XKR6: variants seen among roughly 807,000 people sequenced by gnomAD.
XKR6 encodes the protein XK-related protein 6.
In XKR6, 22 loss-of-function variants were observed where a neutral mutation model predicts 56.7. The observed-to-expected ratio is 0.39, with a 90% confidence interval of 0.28 to 0.55. XKR6 has a LOEUF of 0.55. XKR6 is among the 20% of genes least tolerant of loss of function. The probability of loss-of-function intolerance (pLI) is 0.66; values close to 1 mark genes in which losing one functional copy is unlikely to be tolerated. For missense variants in XKR6, 852 were observed against 889.0 expected (o/e 0.96, Z 0.53); for synonymous variants, 524 against 387.8 (o/e 1.35, Z -4.13).
intron 1 of XKR6, among the ~76,000 whole-genome samples, chr8:11,180,021 C>T (rs959413570): frequency 3.3e-5 from 5 of 152,014 alleles, no homozygotes; most frequent in South Asian, 2.1e-4. Flanking sequence ...AACCTGTAGT[C>T]CCAGCTACTT....
At position 11,189,999 on chromosome 8, in the gene XKR6, G is replaced by A. The variant is rs527352873; in HGVS notation, c.764+10577C>T. Among the ~76,000 whole-genome samples the A allele has an allele frequency of 2.4e-4, 37 of 152,000 alleles. No individual in the cohort carries two copies. The East Asian group carries it at 3.9e-3, about 16-fold the overall frequency. On this transcript the variant is annotated intron_variant, in intron 1 of 2. Transcript: ENST00000416569. ...TGGTGAAACACTTTCTCTACTAAAA[G>A]TACAAAAATTAGACGGGTATGGTGG...
chr8:11,109,189 T>TC (rs1205292070), intron 1 of XKR6: 1 of 152,214 alleles, frequency 6.6e-6, no homozygotes, highest in African/African-American at 2.4e-5. Flanking sequence ...GAACCTTATT[T>TC]CCCTATGTCT....
chr8:11,016,242 A>C (rs4452763), intron 1 of XKR6, among the ~76,000 whole-genome samples: 9,462 of 152,130 alleles, frequency 0.062, 971 homozygotes, highest in African/African-American at 0.21. Flanking sequence ...CCTGACGCGG[A>C]GGTTGGCCGG....
chr8:10,955,253 G>C (rs1002304064), intron 1 of XKR6, among the ~76,000 whole-genome samples: 1 of 151,974 alleles, frequency 6.6e-6, no homozygotes, highest in Admixed American at 6.6e-5. Context: ...GCTCACTGCA[G>C]TCTTGACCTC....
chr8:11,014,667 A>G (rs79778102), intron 1 of XKR6, among the ~76,000 whole-genome samples: 2 of 152,194 alleles, frequency 1.3e-5, no homozygotes, highest in Non-Finnish European at 2.9e-5. Context: ...GGATCACTCA[A>G]CACAGATATG....
At chr8:11,178,572 A>ATATATATATATATG (rs1563197891) in intron 1 of XKR6, among the ~76,000 whole-genome samples, 6 of 140,840 alleles carry the variant, frequency 4.3e-5, no homozygotes, top group Non-Finnish European at 9.2e-5. Flanking sequence ...ATATATATAT[A>ATATATATATATATG]TGTATATATA....
intron 1 of XKR6, among the ~76,000 whole-genome samples, chr8:11,140,646 C>A (rs1800647293): frequency 6.6e-6 from 1 of 152,036 alleles, no homozygotes; most frequent in African/African-American, 2.4e-5. Context: ...ACCTGTAATC[C>A]CAGCACTTTG....
chr8:11,067,064 G>C (rs1799999429), intron 1 of XKR6: 1 of 152,442 alleles, frequency 6.6e-6, no homozygotes, highest in South Asian at 2.1e-4. Flanking sequence ...TGAGGCGACA[G>C]GGCTGTGCGA....
At chr8:11,106,863 A>AAAGAAAAAAAAAAAG (rs60435831) in intron 1 of XKR6, among the ~76,000 whole-genome samples, 7 of 109,902 alleles carry the variant, frequency 6.4e-5, no homozygotes, top group Non-Finnish European at 1.2e-4. Context: ...AAAAAAAAAA[A>AAAGAAAAAAAAAAAG]AATAAAAAAG....
chr8:11,078,383 G>C (rs1800328853), intron 1 of XKR6, among the ~76,000 whole-genome samples: 1 of 152,116 alleles, frequency 6.6e-6, no homozygotes. Context: ...TATTCATGCT[G>C]GCACACAGCT....
At chr8:11,070,089 G>A (rs117348427) in intron 1 of XKR6, among the ~76,000 whole-genome samples, 2,392 of 152,284 alleles carry the variant, frequency 0.016, 28 homozygotes, top group Non-Finnish European at 0.025. Flanking sequence ...TGGCTTCTGG[G>A]TTCTGGACAT....
At chr8:11,181,450 A>G (rs984664530) in intron 1 of XKR6, among the ~76,000 whole-genome samples, 1 of 152,228 alleles carries the variant, frequency 6.6e-6, no homozygotes, top group Non-Finnish European at 1.5e-5. Flanking sequence ...ACTAGATTAC[A>G]AAGTGACTAT....
At chr8:11,055,040 T>C (rs1401442757) in intron 1 of XKR6, among the ~76,000 whole-genome samples, 1 of 152,124 alleles carries the variant, frequency 6.6e-6, no homozygotes, top group Non-Finnish European at 1.5e-5. Flanking sequence ...GAGGCTTTGC[T>C]TGGATGTTTG....
At chr8:10,995,463 T>C (rs1798088969) in intron 1 of XKR6, among the ~76,000 whole-genome samples, 1 of 146,960 alleles carries the variant, frequency 6.8e-6, no homozygotes, top group African/African-American at 2.5e-5. Context: ...ATATTATATA[T>C]AATACATATA....
chr8:11,124,307 AT>A (rs1799643930), intron 1 of XKR6: 1 of 335,720 alleles, frequency 3.0e-6, no homozygotes, highest in Non-Finnish European at 5.8e-6. Context: ...TCTACCCTTC[AT>A]TTCTACTGGA....
chr8:11,193,747 C>A (rs2409729), intron 1 of XKR6, among the ~76,000 whole-genome samples: 24 of 136,786 alleles, frequency 1.8e-4, no homozygotes, highest in Admixed American at 1.7e-3. Context: ...GACCCCCCCC[C>A]CCCCACAAAA....
intron 1 of XKR6, among the ~76,000 whole-genome samples, chr8:10,950,619 C>G (rs891991958): frequency 3.3e-5 from 5 of 152,162 alleles, no homozygotes; most frequent in African/African-American, 9.7e-5. Context: ...ACTGAAAACC[C>G]CTGACAAGAA....
chr8:10,949,312 G>A (rs1801648005), intron 1 of XKR6, among the ~76,000 whole-genome samples: 1 of 152,244 alleles, frequency 6.6e-6, no homozygotes, highest in South Asian at 2.1e-4. Flanking sequence ...TGCCCTGCAG[G>A]GAGAAGGCCT....
At chr8:11,193,738 A>ACCC (rs5889361) in intron 1 of XKR6, among the ~76,000 whole-genome samples, 49 of 107,590 alleles carry the variant, frequency 4.6e-4, no homozygotes, top group African/African-American at 1.2e-3. Flanking sequence ...TAAGGTTCTG[A>ACCC]CCCCCCCCCC....
Sources: gnomAD v4.1 joint callset for allele counts (sites outside exome capture counted in the v4.1 genomes callset) on GRCh38, gnomAD v4.1.1 for gene constraint, MANE v1.5 for transcripts, NCBI Gene and HGNC (gene_info 2026-07-23, HGNC 2026-07-21) for gene names.